The following TNFRSF11A variants were observed in gnomAD, a reference collection of about 807,000 sequenced individuals.
TNFRSF11A encodes TNF receptor superfamily member 11a, also known as tumor necrosis factor receptor superfamily member 11A.
Under a neutral mutation model 55.7 loss-of-function variants are expected in TNFRSF11A, and 32 were observed. The ratio of observed to expected loss-of-function variants is 0.57; its 90% CI spans 0.43 to 0.77. TNFRSF11A has a LOEUF of 0.77. Among genes scored for constraint, TNFRSF11A ranks in the 30% least tolerant of loss-of-function variants. The probability of loss-of-function intolerance (pLI) is 0.00; values close to 1 mark genes in which losing one functional copy is unlikely to be tolerated. For synonymous variants in TNFRSF11A, 311 were observed against 331.0 expected (o/e 0.94, Z 0.65); for missense variants, 753 against 809.8 (o/e 0.93, Z 0.85).
intron 3 of TNFRSF11A, among the ~76,000 whole-genome samples, chr18:62,350,528 G>C (rs1382633349): frequency 6.6e-6 from 1 of 152,126 alleles, no homozygotes; most frequent in Non-Finnish European, 1.5e-5. Context: ...TCCTGACCTT[G>C]TGATCTGCCC....
chr18:62,372,280 G>A (rs1055726380), intron 9 of TNFRSF11A, among the ~76,000 whole-genome samples: 6 of 152,140 alleles, frequency 3.9e-5, no homozygotes, highest in Admixed American at 2.0e-4. Flanking sequence ...TCCTGATGAC[G>A]TGATGGTTGC....
chr18:62,362,490 CAAAAAAAA>C (rs57219485), intron 7 of TNFRSF11A, among the ~76,000 whole-genome samples: 36 of 75,896 alleles, frequency 4.7e-4, no homozygotes, highest in African/African-American at 1.8e-3. Context: ...AACTTCATCT[CAAAAAAAA>C]AAAAAAAAAA....
chr18:62,386,363 T>A lies in TNFRSF11A; in HGVS notation c.*1329T>A, dbSNP rs958566561. The A allele has an allele frequency of 1.3e-5, 2 of 152,258 alleles. No homozygotes were observed. The highest frequency in any genetic ancestry group is 2.9e-5 in the Non-Finnish European group (2 of 68,046). The allele number at this position is 152,258 out of a possible 1,614,324, so 9.4% of individuals were successfully genotyped here. On this transcript the variant is annotated 3_prime_UTR_variant, in exon 10 of 10. Transcript: ENST00000586569. ...CATCTGTGGGTTAGCCTTGTAGAAG[T>A]GGAAAACATTCCATTTTCCAATGCA...
rs570522038 is a variant in TNFRSF11A, at chr18:62,349,683, T to C, written c.158-129T>C. On this transcript the variant is annotated intron_variant, in intron 2 of 9. Transcript: ENST00000586569. ...TGTGTCATATTGTCTTTGGGGGGTG[T>C]CCTGGGATCATGGGCACCAATGATT... 5.6e-6 allele frequency: 6 copies of C among 1,068,912 alleles called. No homozygotes were observed. In the South Asian group the frequency reaches 6.4e-5, roughly 11 times the overall value. 66.2% of individuals were successfully genotyped at this position (1,068,912 alleles called of 1,614,324 possible).
chr18:62,373,452 C>CAA (rs537667985), intron 9 of TNFRSF11A, among the ~76,000 whole-genome samples: 48 of 140,040 alleles, frequency 3.4e-4, no homozygotes, highest in Admixed American at 3.1e-3. Flanking sequence ...GACTCTGTCT[C>CAA]AAAAAAAAAA....
Position 62,369,394 on chromosome 18 carries a change from C to T in TNFRSF11A, c.1477C>T (p.Pro493Ser), listed in dbSNP as rs1910360276. Residue 493 changes from proline to serine, a missense_variant, in exon 9 of 10, where the codon CCC becomes TCC. By Grantham distance (74) the Pro-to-Ser change is moderately conservative. Around this residue, in one of 3 missense-constraint regions of TNFRSF11A, gnomAD observed 567 missense variants for 596.7 expected, o/e 0.95. Transcript: ENST00000586569. ...EASRTEARDQ[P>S]EDGADGRLPS... ...CAGCAGGACGGAGGCCAGAGACCAG[C>T]CCGAGGATGGGGCTGATGGGAGGCT... 1 of 1,611,702 alleles carries T rather than the reference C, an allele frequency of 6.2e-7. No individual in the cohort carries two copies. Among genetic ancestry groups the T allele is most frequent in the Non-Finnish European group, 8.5e-7 (1 of 1,179,906 alleles).
intron 1 of TNFRSF11A, among the ~76,000 whole-genome samples, chr18:62,329,618 G>A (rs565904883): frequency 8.5e-5 from 13 of 152,312 alleles, no homozygotes; most frequent in African/African-American, 1.2e-4. Flanking sequence ...AGAAGGAGCC[G>A]TGGGTTTCAG....
chr18:62,385,140 G>A lies in TNFRSF11A; in HGVS notation c.*106G>A, dbSNP rs1255957566. ...CACCCAGGGATCGATCGGTACAGTC[G>A]AGGAAGACCACCCGGCATTCTCTGC... On this transcript the variant is annotated 3_prime_UTR_variant, in exon 10 of 10. Transcript: ENST00000586569. 4.0e-6 allele frequency: 5 copies of A among 1,258,042 alleles called. No individual in the cohort carries two copies. Among genetic ancestry groups the A allele is most frequent in the African/African-American group, 1.6e-5 (1 of 62,768 alleles). The allele number at this position is 1,258,042 out of a possible 1,614,324, so 77.9% of individuals were successfully genotyped here.
At chr18:62,344,025 C>A (rs1349373549) in intron 1 of TNFRSF11A, among the ~76,000 whole-genome samples, 1 of 152,146 alleles carries the variant, frequency 6.6e-6, no homozygotes, top group African/African-American at 2.4e-5. Flanking sequence ...AACACAAGAG[C>A]AACCTGATCC....
At chr18:62,350,040 A>T in intron 3 of TNFRSF11A, 103 bp downstream of exon 3, 1 of 1,518,756 alleles carries the variant, frequency 6.6e-7, no homozygotes, top group Non-Finnish European at 9.0e-7. Context: ...TCGTTTCAGG[A>T]ACATGAAAGG....
intron 3 of TNFRSF11A, among the ~76,000 whole-genome samples, chr18:62,350,290 A>T (rs944013349): frequency 4.6e-5 from 7 of 151,820 alleles, no homozygotes; most frequent in Non-Finnish European, 7.4e-5. Flanking sequence ...TTATTTATTT[A>T]TTTATTTTTT....
intron 4 of TNFRSF11A, among the ~76,000 whole-genome samples, chr18:62,355,013 C>T (rs943532104): frequency 6.6e-6 from 1 of 152,184 alleles, no homozygotes; most frequent in Admixed American, 6.5e-5. Context: ...ACTGCGATAA[C>T]ACTGAAGAAA....
chr18:62,352,587 C>T (rs1378741232), intron 3 of TNFRSF11A, among the ~76,000 whole-genome samples: 1 of 152,222 alleles, frequency 6.6e-6, no homozygotes, highest in African/African-American at 2.4e-5. Flanking sequence ...TGGTACATTA[C>T]ATACAATATT....
rs565695204 is a variant in TNFRSF11A, at chr18:62,350,910, C to T, written c.283+973C>T. ...TTTTTGAAGAAACCGTGATGTTAGT[C>T]CTGTGGAGATTGCACAGGCCACATT... is the stretch of plus-strand genomic sequence containing the variant. On this transcript the variant is annotated intron_variant, in intron 3 of 9. Transcript: ENST00000586569. 6.6e-5 allele frequency among the ~76,000 whole-genome samples: 10 copies of T among 151,956 alleles called. No individual in the cohort carries two copies. In the South Asian group the frequency reaches 2.1e-3, roughly 32 times the overall value.
At chr18:62,326,375 A>G (rs2046076033) in intron 1 of TNFRSF11A, among the ~76,000 whole-genome samples, 1 of 152,264 alleles carries the variant, frequency 6.6e-6, no homozygotes, top group African/African-American at 2.4e-5. Context: ...ATGTGGGTGC[A>G]CTGAAGGCTG....
chr18:62,350,278 G>GTTTA (rs977631595), intron 3 of TNFRSF11A, among the ~76,000 whole-genome samples: 1 of 151,994 alleles, frequency 6.6e-6, no homozygotes, highest in Non-Finnish European at 1.5e-5. Context: ...TATTTTATTT[G>GTTTA]TTTATTTATT....
intron 9 of TNFRSF11A, among the ~76,000 whole-genome samples, chr18:62,371,923 G>A (rs1910582672): frequency 6.6e-6 from 1 of 152,136 alleles, no homozygotes; most frequent in Non-Finnish European, 1.5e-5. Flanking sequence ...TGTGACATTT[G>A]TTTAAGGGTT....
rs1324134583 is a variant in TNFRSF11A, at chr18:62,385,053, A to G, written c.*19A>G. 7 of 1,461,522 alleles carry G rather than the reference A, an allele frequency of 4.8e-6. No individual in the cohort carries two copies. The highest frequency in any genetic ancestry group is 2.6e-5 in the Admixed American group (1 of 38,272). 90.5% of individuals were successfully genotyped at this position (1,461,522 alleles called of 1,614,324 possible). On this transcript the variant is annotated 3_prime_UTR_variant, in exon 10 of 10. Transcript: ENST00000586569. Reference sequence around the variant, plus strand: ...GGCTTGAGCGCCCCCCATGGCTGGGAGCCCGAAGCTCGGAGCCAGGGCTCG... The same window carrying G: ...GGCTTGAGCGCCCCCCATGGCTGGGGGCCCGAAGCTCGGAGCCAGGGCTCG...
chr18:62,366,639 C>T, intron 7 of TNFRSF11A, 69 bp from the exon 8 acceptor site: 6 of 1,495,456 alleles, frequency 4.0e-6, no homozygotes, highest in Middle Eastern at 1.7e-4. Context: ...TACATAATAA[C>T]CTTTATTTAA....
Sources: gnomAD v4.1 joint callset for allele counts (sites outside exome capture counted in the v4.1 genomes callset) on GRCh38, gnomAD v4.1.1 for gene constraint, gnomAD v4.1.1 regional missense constraint, MANE v1.5 for transcripts, NCBI Gene and HGNC (gene_info 2026-07-23, HGNC 2026-07-21) for gene names.